ZNF407: variants seen among roughly 807,000 people sequenced by gnomAD.
ZNF407 encodes zinc finger protein 407.
Under a neutral mutation model 131.2 loss-of-function variants are expected in ZNF407, and 17 were observed. The observed-to-expected ratio is 0.13, with a 90% CI of 0.09 to 0.19. The LOEUF (loss-of-function observed/expected upper bound fraction) is 0.19, where lower values mean the gene tolerates loss of function less well. Among genes scored for constraint, ZNF407 ranks in the 10% least tolerant of loss-of-function variants. The pLI is 1.00. For synonymous variants in ZNF407, 1,156 were observed against 1,062.0 expected (o/e 1.09, Z -1.72); for missense variants, 2,681 against 2,830.6 (o/e 0.95, Z 1.20).
At chr18:74,657,996 C>G (rs1336680694) in intron 3 of ZNF407, among the ~76,000 whole-genome samples, 4 of 151,220 alleles carry the variant, frequency 2.6e-5, no homozygotes, top group Non-Finnish European at 5.9e-5. Context: ...TTCCCCCTTT[C>G]TTCCTCTCCC....
chr18:74,881,973 G>T (rs1354530009), intron 6 of ZNF407, among the ~76,000 whole-genome samples: 2 of 152,140 alleles, frequency 1.3e-5, no homozygotes, highest in Non-Finnish European at 2.9e-5. Context: ...CTTGCATGGG[G>T]AAACTCCCCT....
intron 3 of ZNF407, among the ~76,000 whole-genome samples, chr18:74,767,867 C>G (rs972102616): frequency 7.5e-5 from 11 of 146,078 alleles, no homozygotes; most frequent in African/African-American, 2.5e-4. Context: ...GGGGTTTCAC[C>G]GTGTTTGCCA....
intron 4 of ZNF407, among the ~76,000 whole-genome samples, chr18:74,844,768 C>A (rs1333587308): frequency 6.6e-6 from 1 of 152,024 alleles, no homozygotes; most frequent in Admixed American, 6.5e-5. Flanking sequence ...TTTTTAAGGT[C>A]CTGTCCTAGG....
chr18:74,631,413 T>C lies in ZNF407; in HGVS notation c.394T>C (p.Ser132Pro), dbSNP rs1984068215. The C allele has an allele frequency of 6.2e-7, 1 of 1,613,842 alleles. No homozygotes were observed. The change falls in exon 2 of 9, where the codon TCC becomes CCC. Residue 132 changes from serine (S) to proline (P), a missense_variant. Coordinates refer to ENST00000299687, the MANE Select transcript of ZNF407 (RefSeq NM_017757.3). ...VGGTCLPNAL[S>P]PSCNFSTIDV... ...AGGCACATGTCTCCCAAATGCCCTC[T>C]CCCCTTCTTGCAATTTTAGCACTAT...
intron 3 of ZNF407, among the ~76,000 whole-genome samples, chr18:74,736,534 TC>T (rs1968416746): frequency 6.6e-6 from 1 of 152,202 alleles, no homozygotes; most frequent in South Asian, 2.1e-4. Flanking sequence ...TGCAGTTTCA[TC>T]ACTTCATTAA....
At chr18:75,023,006 C>T (rs1372677565) in intron 8 of ZNF407, among the ~76,000 whole-genome samples, 1 of 152,076 alleles carries the variant, frequency 6.6e-6, no homozygotes, top group Non-Finnish European at 1.5e-5. Context: ...AGCCATGAAA[C>T]GAACGAGATC....
At chr18:74,799,258 A>G (rs1439594014) in intron 4 of ZNF407, among the ~76,000 whole-genome samples, 1 of 152,174 alleles carries the variant, frequency 6.6e-6, no homozygotes, top group East Asian at 1.9e-4. Flanking sequence ...ATAACTGAAC[A>G]TAACAGTGAA....
At chr18:75,006,561 A>T (rs1445016635) in intron 8 of ZNF407, among the ~76,000 whole-genome samples, 3 of 152,124 alleles carry the variant, frequency 2.0e-5, no homozygotes, top group East Asian at 1.9e-4. Flanking sequence ...GGTGGGTTTT[A>T]AAAAAATTTT....
At chr18:74,713,651 A>ATGTG (rs1967822981) in intron 3 of ZNF407, among the ~76,000 whole-genome samples, 1 of 152,136 alleles carries the variant, frequency 6.6e-6, no homozygotes, top group South Asian at 2.1e-4. Context: ...ATGCCCTCTT[A>ATGTG]TGTGTCATAA....
chr18:74,745,365 T>A (rs187796808), intron 3 of ZNF407, among the ~76,000 whole-genome samples: 658 of 47,018 alleles, frequency 0.014, 4 homozygotes, highest in African/African-American at 0.033. Flanking sequence ...ATTGCTAATT[T>A]CTTCAGAGGC....
At chr18:75,059,965 G>T (rs1973605947) in intron 8 of ZNF407, among the ~76,000 whole-genome samples, 1 of 152,208 alleles carries the variant, frequency 6.6e-6, no homozygotes, top group Non-Finnish European at 1.5e-5. Flanking sequence ...GAGGGAGAAA[G>T]GCAGGTAGTC....
intron 6 of ZNF407, among the ~76,000 whole-genome samples, chr18:74,885,475 C>T (rs756190187): frequency 2.6e-5 from 4 of 151,974 alleles, no homozygotes; most frequent in South Asian, 2.1e-4. Context: ...TTAAAGATAC[C>T]GACAAGCTGA....
chr18:74,748,558 C>T (rs940379012), intron 3 of ZNF407, among the ~76,000 whole-genome samples: 1 of 152,178 alleles, frequency 6.6e-6, no homozygotes, highest in South Asian at 2.1e-4. Flanking sequence ...TTTGTTTCTG[C>T]TTCAGTTTTA....
intron 4 of ZNF407, among the ~76,000 whole-genome samples, chr18:74,854,104 G>A (rs978397291): frequency 2.0e-5 from 3 of 152,182 alleles, no homozygotes; most frequent in Non-Finnish European, 2.9e-5. Context: ...CAGGGTCAGC[G>A]TGAGGGGTTT....
chr18:74,662,378 CACTT>C (rs1365018519), intron 3 of ZNF407, among the ~76,000 whole-genome samples: 2 of 152,114 alleles, frequency 1.3e-5, no homozygotes, highest in Non-Finnish European at 2.9e-5. Context: ...ATTATACTAT[CACTT>C]ACATTCATGA....
At chr18:74,823,804 A>C (rs1347952809) in intron 4 of ZNF407, among the ~76,000 whole-genome samples, 2 of 152,170 alleles carry the variant, frequency 1.3e-5, no homozygotes, top group Admixed American at 6.5e-5. Flanking sequence ...ACAGATTGAC[A>C]AGACAGAAAA....
chr18:75,027,049 G>A (rs1056368276), intron 8 of ZNF407, among the ~76,000 whole-genome samples: 4 of 152,228 alleles, frequency 2.6e-5, no homozygotes, highest in Non-Finnish European at 5.9e-5. Flanking sequence ...TGTGGCCTGC[G>A]ATGGAGAGTC....
At chr18:75,038,577 G>A (rs998046089) in intron 8 of ZNF407, among the ~76,000 whole-genome samples, 3 of 152,246 alleles carry the variant, frequency 2.0e-5, no homozygotes, top group South Asian at 2.1e-4. Context: ...TAGGGACAAC[G>A]AAAAGGTGAT....
chr18:75,052,130 G>A (rs1013930879), intron 8 of ZNF407, among the ~76,000 whole-genome samples: 3 of 152,180 alleles, frequency 2.0e-5, no homozygotes, highest in African/African-American at 7.2e-5. Flanking sequence ...GCATGTCCAC[G>A]AAGGCGTGTG....
Sources: allele counts gnomAD v4.1 joint callset (sites outside exome capture counted in the v4.1 genomes callset), GRCh38; gene constraint gnomAD v4.1.1; transcripts MANE v1.5; gene names NCBI Gene and HGNC (gene_info 2026-07-23, HGNC 2026-07-21).